FBXO42: variants seen among roughly 807,000 people sequenced by gnomAD.
The protein encoded by FBXO42 is F-box protein 42.
A neutral mutation model predicts 71.7 loss-of-function variants in FBXO42; 12 were observed. The ratio of observed to expected loss-of-function variants is 0.17; its 90% confidence interval spans 0.11 to 0.27. The LOEUF (loss-of-function observed/expected upper bound fraction) is 0.27. Among genes scored for constraint, FBXO42 ranks in the 10% least tolerant of loss-of-function variants. The pLI, the probability that FBXO42 is intolerant of heterozygous loss-of-function variation, is 1.00. For synonymous variants in FBXO42, 325 were observed against 327.5 expected, an observed-to-expected ratio of 0.99 and a Z score of 0.08; for missense variants, 707 against 911.9, an observed-to-expected ratio of 0.78 and a Z score of 2.89.
chr1:16,310,363 A>G (rs1162973696), intron 2 of FBXO42, among the ~76,000 whole-genome samples: 2 of 151,734 alleles, frequency 1.3e-5, no homozygotes, highest in Non-Finnish European at 2.9e-5. Context: ...TCCATCTGAA[A>G]AAAAAAAAGA....
intron 4 of FBXO42, among the ~76,000 whole-genome samples, chr1:16,264,978 G>A (rs534800649): frequency 6.6e-6 from 1 of 152,304 alleles, no homozygotes; most frequent in South Asian, 2.1e-4. Flanking sequence ...CACAATTGTA[G>A]TGTCTATTTA....
intron 1 of FBXO42, among the ~76,000 whole-genome samples, chr1:16,339,048 G>A (rs1482413165): frequency 6.6e-6 from 1 of 151,818 alleles, no homozygotes; most frequent in African/African-American, 2.4e-5. Flanking sequence ...AACCTCAAGC[G>A]ATCCACCCAT....
intron 4 of FBXO42, among the ~76,000 whole-genome samples, chr1:16,274,836 C>T (rs867766265): frequency 2.6e-5 from 4 of 151,826 alleles, no homozygotes; most frequent in Middle Eastern, 3.4e-3. Context: ...GTAATCTGCC[C>T]GCCTCAGCCT....
At chr1:16,272,820 G>GCATT (rs1467589691) in intron 4 of FBXO42, among the ~76,000 whole-genome samples, 1 of 152,134 alleles carries the variant, frequency 6.6e-6, no homozygotes, top group Non-Finnish European at 1.5e-5. Flanking sequence ...CACGAACAAT[G>GCATT]GCTAGCATTT....
At chr1:16,326,636 AT>A (rs2082454848) in intron 1 of FBXO42, among the ~76,000 whole-genome samples, 1 of 150,708 alleles carries the variant, frequency 6.6e-6, no homozygotes, top group Non-Finnish European at 1.5e-5. Flanking sequence ...GTGAGCCAAG[AT>A]CACACCACTG....
At chr1:16,344,771 GT>G (rs1342653352) in intron 1 of FBXO42, among the ~76,000 whole-genome samples, 4 of 152,128 alleles carry the variant, frequency 2.6e-5, no homozygotes, top group Non-Finnish European at 5.9e-5. Flanking sequence ...GTTAAATTCA[GT>G]TGTAAATATC....
In FBXO42 at chr1:16,249,442, G is replaced by T. The variant is rs2081568285; in HGVS notation, c.*1228C>A. The T allele has an allele frequency of 6.6e-6, 1 of 152,158 alleles. No homozygotes were observed. The highest frequency in any genetic ancestry group is 6.6e-5 in the Admixed American group (1 of 15,266). 9.4% of individuals were successfully genotyped at this position (152,158 alleles called of 1,614,324 possible). On this transcript the variant is annotated 3_prime_UTR_variant, in exon 10 of 10. Transcript: ENST00000375592. ...AACTCCATCACCTGCCAATAGCCAG[G>T]AAGAGGAATATATGTCACCACAAGG...
chr1:16,333,353 C>T (rs1001080033), intron 1 of FBXO42, among the ~76,000 whole-genome samples: 3 of 151,774 alleles, frequency 2.0e-5, no homozygotes, highest in Non-Finnish European at 4.4e-5. Flanking sequence ...TGGCTTATGC[C>T]TATAATCACA....
chr1:16,256,710 G>C lies in FBXO42; in HGVS notation c.552C>G (p.Asp184Glu), dbSNP rs1483146465. The change falls in exon 5 of 10, where the codon GAC becomes GAG. Residue 184 changes from aspartate to glutamate, a missense_variant. Transcript: ENST00000375592. ...KAGATLVVYKDLLVLFGGWTR... is the reference protein window; with the variant it reads ...KAGATLVVYKELLVLFGGWTR... ...TCCAGCCACCAAACAGCACTAGCAA[G>C]TCCTTGTACACGACCAGAGTTGCTC... The C allele has an allele frequency of 1.2e-6, 2 of 1,614,206 alleles. No individual in the cohort carries two copies. Among genetic ancestry groups the C allele is most frequent in the South Asian group, 1.1e-5 (1 of 91,088 alleles).
intron 1 of FBXO42, among the ~76,000 whole-genome samples, chr1:16,333,823 T>C (rs1217473833): frequency 1.3e-5 from 2 of 152,144 alleles, no homozygotes; most frequent in Non-Finnish European, 2.9e-5. Flanking sequence ...AGATGGGTAG[T>C]GTTATGGCTG....
chr1:16,280,763 A>T (rs2081955192), intron 4 of FBXO42, among the ~76,000 whole-genome samples: 2 of 152,100 alleles, frequency 1.3e-5, no homozygotes, highest in South Asian at 4.1e-4. Context: ...GAGAGAGTGA[A>T]ACCCAGTCTC....
At position 16,316,307 on chromosome 1, in the gene FBXO42, C is replaced by G. The variant is rs186582063; in HGVS notation, c.-17-872G>C. On this transcript the variant is annotated intron_variant, in intron 1 of 9. Transcript: ENST00000375592. ...GTGCCTGCAACTGTGGTGTTTACCC[C>G]GAGATAACTTTGCCACAAAATATCT... is the stretch of plus-strand genomic sequence containing the variant. Among the ~76,000 whole-genome samples the G allele has an allele frequency of 2.0e-5, 3 of 152,004 alleles. No individual in the cohort carries two copies. The East Asian group carries it at 5.8e-4, about 29-fold the overall frequency.
chr1:16,315,037 G>C, intron 2 of FBXO42, 132 bp downstream of exon 2: 1 of 920,404 alleles, frequency 1.1e-6, no homozygotes, highest in Non-Finnish European at 1.6e-6. Context: ...AAAGAAAACC[G>C]GGTAGTATCG....
chr1:16,342,877 A>G (rs1300933620), intron 1 of FBXO42, among the ~76,000 whole-genome samples: 1 of 151,838 alleles, frequency 6.6e-6, no homozygotes, highest in Non-Finnish European at 1.5e-5. Context: ...TTCCTGGGAG[A>G]GTAGGTTGTT....
intron 4 of FBXO42, among the ~76,000 whole-genome samples, chr1:16,263,234 G>A (rs906704672): frequency 2.7e-5 from 4 of 150,928 alleles, no homozygotes; most frequent in African/African-American, 7.3e-5. Flanking sequence ...AGGCTGAGGC[G>A]GGCGGATCAC....
At chr1:16,299,427 C>T (rs1041802919) in intron 3 of FBXO42, among the ~76,000 whole-genome samples, 1 of 152,100 alleles carries the variant, frequency 6.6e-6, no homozygotes, top group African/African-American at 2.4e-5. Flanking sequence ...TCCTGCTTCT[C>T]TTGAGCAAAC....
In FBXO42 at chr1:16,251,574, C is replaced by T. The variant is rs767528735; in HGVS notation, c.1250G>A (p.Arg417Lys). The change falls in exon 10 of 10, where the codon AGG (arginine) becomes AAG (lysine). Residue 417 changes from arginine (R) to lysine (K), a missense_variant. Transcript: ENST00000375592. This position sits in a 1 kb window ranked among gnomAD's most constrained non-coding sequence, Gnocchi z 4.5. ...RWGTLRPRAQ[R>K]QTPSGSREGS... ...TTCCCGGGAACCTGAAGGAGTCTGC[C>T]TTTGAGCCCTGGGTCTCAGTGTTCC... 2 of 1,614,142 alleles carry T rather than the reference C, an allele frequency of 1.2e-6. No homozygotes were observed.
rs1487428990 is a variant in FBXO42, at chr1:16,247,292, T to A, written c.*3378A>T. 1 of 152,282 alleles carries A rather than the reference T, an allele frequency of 6.6e-6. No individual in the cohort carries two copies. Among genetic ancestry groups the A allele is most frequent in the Non-Finnish European group, 1.5e-5 (1 of 68,108 alleles). The allele number at this position is 152,282 out of a possible 1,614,324, so 9.4% of individuals were successfully genotyped here. A position where few individuals can be genotyped will look rare whatever the true frequency, so the allele number is the denominator to read the frequency against. ...GCGTGGTTAGATCCTCCCCACTGAC[T>A]TGTGCGCTGGTAAGAGACCATGGAT... On this transcript the variant is annotated 3_prime_UTR_variant, in exon 10 of 10. Coordinates refer to ENST00000375592, the MANE Select transcript of FBXO42 (RefSeq NM_018994.3).
Position 16,249,666 on chromosome 1 carries a change from G to C in FBXO42, c.*1004C>G, listed in dbSNP as rs551472018. ...CTTAGAATTCCCTACTGGCCCCCTA[G>C]TGACACCAGGGAAAGGGTTCCACAA... On this transcript the variant is annotated 3_prime_UTR_variant, in exon 10 of 10. Transcript: ENST00000375592. 6.6e-6 allele frequency: 1 copy of C among 152,124 alleles called. No individual in the cohort carries two copies. The highest frequency in any genetic ancestry group is 2.1e-4 in the South Asian group (1 of 4,820). 9.4% of individuals were successfully genotyped at this position (152,124 alleles called of 1,614,324 possible).
Sources: gnomAD v4.1 joint callset for allele counts (sites outside exome capture counted in the v4.1 genomes callset) on GRCh38, gnomAD v4.1.1 for gene constraint, Gnocchi (gnomAD v3.1) non-coding constraint, MANE v1.5 for transcripts, NCBI Gene and HGNC (gene_info 2026-07-23, HGNC 2026-07-21) for gene names.